Variants in CNMD observed in about 807,000 individuals in gnomAD.
The protein encoded by CNMD is chondromodulin, also known as leukocyte cell-derived chemotaxin 1.
In CNMD, 30 loss-of-function variants were observed where a neutral mutation model predicts 37.5. That is an observed-to-expected ratio of 0.80 (90% CI 0.60 to 1.09). The LOEUF (loss-of-function observed/expected upper bound fraction) is 1.09, where lower values mean the gene tolerates loss of function less well. CNMD is among the 50% of genes least tolerant of loss of function. The probability of loss-of-function intolerance (pLI) is 0.00; values close to 1 mark genes in which losing one functional copy is unlikely to be tolerated. For missense variants in CNMD, 398 were observed against 423.9 expected (o/e 0.94, Z 0.54); for synonymous variants, 167 against 148.2 (o/e 1.13, Z -0.92).
Position 52,703,580 on chromosome 13 carries a change from A to T in CNMD, c.*15T>A. The stretch of plus-strand genomic sequence containing the variant: ...GCTAGTTCTTATTTTACAGCACATG[A>T]TATATGAAGTGATTTCACACCATGC... On this transcript the variant is annotated 3_prime_UTR_variant, in exon 7 of 7. Transcript: ENST00000377962. 6.4e-7 allele frequency: 1 copy of T among 1,569,280 alleles called. No homozygotes were observed. The highest frequency in any genetic ancestry group is 1.1e-5 in the South Asian group (1 of 90,202).
chr13:52,708,429 C>T (rs900330948), intron 6 of CNMD, 107 bp downstream of exon 6: 4 of 968,118 alleles, frequency 4.1e-6, no homozygotes, highest in Non-Finnish European at 6.0e-6. Flanking sequence ...GATCTGCCCA[C>T]CCCTGCCTCC....
chr13:52,734,638 G>T (rs189512594), intron 2 of CNMD, among the ~76,000 whole-genome samples: 1 of 151,684 alleles, frequency 6.6e-6, no homozygotes, highest in Admixed American at 6.6e-5. Flanking sequence ...TACATATCAT[G>T]TATAAATTAT....
At chr13:52,734,331 A>G (rs555508400) in intron 2 of CNMD, among the ~76,000 whole-genome samples, 1 of 152,294 alleles carries the variant, frequency 6.6e-6, no homozygotes, top group South Asian at 2.1e-4. Flanking sequence ...TCCATAGTCT[A>G]ACCAGAGTGG....
chr13:52,735,682 TAAA>T (rs138863152), intron 2 of CNMD, among the ~76,000 whole-genome samples: 1 of 142,748 alleles, frequency 7.0e-6, no homozygotes. Flanking sequence ...AAAAAAAATC[TAAA>T]AAAAAAAAAA....
At chr13:52,736,318 G>A (rs1964763167) in intron 2 of CNMD, among the ~76,000 whole-genome samples, 2 of 152,130 alleles carry the variant, frequency 1.3e-5, no homozygotes, top group Non-Finnish European at 2.9e-5. Context: ...TAGTAGAGAT[G>A]GGATTTCACC....
At chr13:52,718,537 T>G (rs968932176) in intron 4 of CNMD, among the ~76,000 whole-genome samples, 9 of 152,216 alleles carry the variant, frequency 5.9e-5, no homozygotes, top group Non-Finnish European at 1.0e-4. Flanking sequence ...TTCTGGTACA[T>G]TGTGTTTTTG....
intron 3 of CNMD, 180 bp downstream of exon 3, chr13:52,733,039 G>T: frequency 1.6e-6 from 1 of 634,608 alleles, no homozygotes; most frequent in Admixed American, 3.0e-5. Context: ...CAAATATGAA[G>T]GACAAAGTCT....
chr13:52,721,885 T>C (rs1230614233), intron 4 of CNMD, among the ~76,000 whole-genome samples: 1 of 152,140 alleles, frequency 6.6e-6, no homozygotes, highest in Non-Finnish European at 1.5e-5. Flanking sequence ...TGTTGGGGAA[T>C]TGGTCCTTGT....
chr13:52,712,744 A>G lies in CNMD; in HGVS notation c.594T>C (p.Ile198=). 6.5e-7 allele frequency: 1 copy of G among 1,533,234 alleles called. No individual in the cohort carries two copies. Among genetic ancestry groups the G allele is most frequent in the Non-Finnish European group, 8.8e-7 (1 of 1,139,978 alleles). 95.0% of individuals were successfully genotyped at this position (1,533,234 alleles called of 1,614,324 possible). The change falls in exon 5 of 7, where the codon ATT becomes ATC. Residue 198 remains isoleucine, a synonymous_variant. Coordinates refer to ENST00000377962, the MANE Select transcript of CNMD (RefSeq NM_007015.3). ...TTGGATAGGTTGGTTTAAGCCAGAA[A>G]ATAGGAAGGTCACCGCAGAGTTCTA... The part of the protein sequence containing the change: ...KVLELCGDLP[I]FWLKPTYPKE...
chr13:52,708,449 A>G lies in CNMD; in HGVS notation c.789+87T>C, dbSNP rs577442925. ...GCCCACCCCTGCCTCCCAAAGTGCTAGGATTACAGGCGTAAGCCACCACGC... is the reference window on the plus strand; with the variant it reads ...GCCCACCCCTGCCTCCCAAAGTGCTGGGATTACAGGCGTAAGCCACCACGC... On this transcript the variant is annotated intron_variant, in intron 6 of 6. Transcript: ENST00000377962. The G allele has an allele frequency of 9.0e-6, 11 of 1,225,062 alleles. No individual in the cohort carries two copies. In the Admixed American group the frequency reaches 1.5e-4, roughly 17 times the overall value. The allele number at this position is 1,225,062 out of a possible 1,614,324, so 75.9% of individuals were successfully genotyped here. A position where few individuals can be genotyped will look rare whatever the true frequency, so the allele number is the denominator to read the frequency against.
At chr13:52,732,879 T>C (rs1166228402) in intron 3 of CNMD, among the ~76,000 whole-genome samples, 1 of 152,234 alleles carries the variant, frequency 6.6e-6, no homozygotes, top group Non-Finnish European at 1.5e-5. Context: ...AAAAATCAAG[T>C]TTTATTTTGA....
chr13:52,739,198 G>A lies in CNMD; in HGVS notation c.73-27C>T. 2.1e-6 allele frequency: 3 copies of A among 1,450,648 alleles called. No homozygotes were observed. Among genetic ancestry groups the A allele is most frequent in the East Asian group, 2.7e-5 (1 of 36,626 alleles). The allele number at this position is 1,450,648 out of a possible 1,614,324, so 89.9% of individuals were successfully genotyped here. The stretch of plus-strand genomic sequence containing the variant: ...TGCGGGCCGGGGCGGGAGAGGGACC[G>A]TCGCGTTTGTGCCGCCAGCACCTGC... On this transcript the variant is annotated intron_variant, in intron 1 of 6. Coordinates refer to ENST00000377962, the MANE Select transcript of CNMD (RefSeq NM_007015.3). This position sits in a 1 kb window ranked among gnomAD's most constrained non-coding sequence, Gnocchi z 5.4.
At chr13:52,708,159 C>G (rs1378041318) in intron 6 of CNMD, among the ~76,000 whole-genome samples, 2 of 148,578 alleles carry the variant, frequency 1.3e-5, no homozygotes, top group Non-Finnish European at 3.0e-5. Flanking sequence ...GCGTTTGAAA[C>G]CTCAAGTACA....
chr13:52,703,638 A>G lies in CNMD; in HGVS notation c.962T>C (p.Met321Thr), dbSNP rs746958626. Residue 321 changes from methionine (M) to threonine (T), a missense_variant, in exon 7 of 7, where the codon ATG (methionine) becomes ACG (threonine). Coordinates refer to ENST00000377962, the MANE Select transcript of CNMD (RefSeq NM_007015.3). ...ACGGGCCACCCACCAGCTACATGGC[A>G]TGATGACTCTGCAGGCCGAACGGCA... The part of the protein sequence containing the change: ...QGCRSACRVI[M>T]PCSWWVARIL... 4.3e-6 allele frequency: 7 copies of G among 1,613,816 alleles called. No homozygotes were observed. The highest frequency in any genetic ancestry group is 2.2e-5 in the East Asian group (1 of 44,896).
chr13:52,716,308 C>G (rs902602724), intron 4 of CNMD, among the ~76,000 whole-genome samples: 1 of 152,136 alleles, frequency 6.6e-6, no homozygotes, highest in East Asian at 1.9e-4. Context: ...TGCCTCTTCA[C>G]GCTGATGATA....
chr13:52,727,524 TGTG>T (rs888488752), intron 3 of CNMD, among the ~76,000 whole-genome samples: 1 of 151,782 alleles, frequency 6.6e-6, no homozygotes, highest in African/African-American at 2.4e-5. Flanking sequence ...ATTAGCTAGG[TGTG>T]GTGGTGTGTG....
intron 3 of CNMD, among the ~76,000 whole-genome samples, chr13:52,732,322 A>G (rs988119402): frequency 6.6e-6 from 1 of 152,238 alleles, no homozygotes; most frequent in African/African-American, 2.4e-5. Flanking sequence ...TCCTTATAGT[A>G]AAACATGAAA....
chr13:52,737,572 A>G (rs1964791872), intron 2 of CNMD, among the ~76,000 whole-genome samples: 1 of 152,230 alleles, frequency 6.6e-6, no homozygotes, highest in African/African-American at 2.4e-5. Flanking sequence ...GAATAATTAA[A>G]TGACAAATGG....
intron 6 of CNMD, among the ~76,000 whole-genome samples, chr13:52,705,917 C>A (rs564389554): frequency 3.9e-5 from 6 of 152,126 alleles, no homozygotes; most frequent in Non-Finnish European, 8.8e-5. Context: ...TATTCAGATT[C>A]TTTTTATTCT....
Sources: gnomAD v4.1 joint callset for allele counts (sites outside exome capture counted in the v4.1 genomes callset) on GRCh38, gnomAD v4.1.1 for gene constraint, Gnocchi (gnomAD v3.1) non-coding constraint, MANE v1.5 for transcripts, NCBI Gene and HGNC (gene_info 2026-07-23, HGNC 2026-07-21) for gene names.